TMEM63A: variants seen among roughly 807,000 people sequenced by gnomAD.
The protein encoded by TMEM63A is mechanosensitive cation channel TMEM63A.
In TMEM63A, 76 loss-of-function variants were observed where a neutral mutation model predicts 100.6. The observed-to-expected ratio is 0.76, with a 90% confidence interval of 0.63 to 0.91. The LOEUF (loss-of-function observed/expected upper bound fraction) is 0.91. TMEM63A is among the 40% of genes least tolerant of loss of function. The probability of loss-of-function intolerance (pLI) is 0.00; values close to 1 mark genes in which losing one functional copy is unlikely to be tolerated. For synonymous variants in TMEM63A, 401 were observed against 401.1 expected, an observed-to-expected ratio of 1.00 and a Z score of 0.00; for missense variants, 876 against 1,008.8, an observed-to-expected ratio of 0.87 and a Z score of 1.78.
At chr1:225,845,468 C>A (rs1576056265), downstream of TMEM63A, 2 of 1,014,298 alleles carry the variant, frequency 2.0e-6, no homozygotes, top group East Asian at 5.2e-5. Flanking sequence ...GCTGGGAGCC[C>A]ACGCTCACCC....
At chr1:225,851,582 T>C (rs1669344099) in intron 20 of TMEM63A, among the ~76,000 whole-genome samples, 1 of 152,074 alleles carries the variant, frequency 6.6e-6, no homozygotes, top group Admixed American at 6.5e-5. Context: ...ATTGGCCAGG[T>C]TGTTCTTGAA....
In TMEM63A at chr1:225,848,618, C is replaced by T. The variant is rs561956976; in HGVS notation, c.2188-64G>A. On this transcript the variant is annotated intron_variant, in intron 22 of 24. Transcript: ENST00000366835. ...CTGATCTCTGTGAACAAACACCCTCCAAACACACAGACTATTAACACCCGG... is the reference window on the plus strand; with the variant it reads ...CTGATCTCTGTGAACAAACACCCTCTAAACACACAGACTATTAACACCCGG... 7.8e-6 allele frequency: 12 copies of T among 1,535,154 alleles called. No homozygotes were observed. In the South Asian group the frequency reaches 1.2e-4, roughly 16 times the overall value.
chr1:225,870,660 T>C lies in TMEM63A; in HGVS notation c.371+416A>G, dbSNP rs372897748. 7.8e-4 allele frequency among the ~76,000 whole-genome samples: 119 copies of C among 152,346 alleles called. No individual in the cohort carries two copies. In the South Asian group the frequency reaches 0.024, roughly 30 times the overall value. On this transcript the variant is annotated intron_variant, in intron 6 of 24. Coordinates refer to ENST00000366835, the MANE Select transcript of TMEM63A (RefSeq NM_014698.3). ...AGCGTCCATTGACATCTAATTGGTG[T>C]TAAATATTAAGTTGAATAATTAAAG...
At chr1:225,866,419 G>A in intron 9 of TMEM63A, 155 bp downstream of exon 9, 1 of 631,242 alleles carries the variant, frequency 1.6e-6, no homozygotes, top group South Asian at 2.0e-5. Context: ...TTTAAAGATG[G>A]TGCCAAGTGT....
At chr1:225,857,455 G>T (rs1397285603) in intron 15 of TMEM63A, among the ~76,000 whole-genome samples, 1 of 150,288 alleles carries the variant, frequency 6.7e-6, no homozygotes, top group East Asian at 1.9e-4. Flanking sequence ...TCCACTGTGT[G>T]TGTCCACAAT....
chr1:225,875,119 G>C (rs1670711702), intron 3 of TMEM63A, among the ~76,000 whole-genome samples: 1 of 152,212 alleles, frequency 6.6e-6, no homozygotes, highest in South Asian at 2.1e-4. Flanking sequence ...CTCTGAGTTT[G>C]ATTCCCCTGA....
At position 225,865,505 on chromosome 1, in the gene TMEM63A, G is replaced by A. The variant is rs1201910485; in HGVS notation, c.746+392C>T. 1 of 170,128 alleles carries A rather than the reference G, an allele frequency of 5.9e-6. No homozygotes were observed. The highest frequency in any genetic ancestry group is 2.4e-5 in the African/African-American group (1 of 42,398). 10.5% of individuals were successfully genotyped at this position (170,128 alleles called of 1,614,324 possible). A position where few individuals can be genotyped will look rare whatever the true frequency, so the allele number is the denominator to read the frequency against. ...GGCCCCGAGGTCCTTCCACCTGTGA[G>A]ACCCTAGCCCTGTGGGTCCATACAA... On this transcript the variant is annotated intron_variant, in intron 10 of 24. Coordinates refer to ENST00000366835, the MANE Select transcript of TMEM63A (RefSeq NM_014698.3). The surrounding 1 kb of genome is among the most constrained non-coding windows in gnomAD (Gnocchi z 4.6).
chr1:225,857,150 A>C, intron 15 of TMEM63A, 133 bp from the exon 16 acceptor site: 1 of 674,200 alleles, frequency 1.5e-6, no homozygotes, highest in Non-Finnish European at 2.4e-6. Context: ...CCAGAACCAA[A>C]ACTGTGCCAG....
chr1:225,881,926 T>A (rs1671109668), intron 1 of TMEM63A, among the ~76,000 whole-genome samples: 1 of 152,110 alleles, frequency 6.6e-6, no homozygotes, highest in African/African-American at 2.4e-5. Flanking sequence ...GTCGGACGCT[T>A]GGCCCTTTCC....
chr1:225,854,498 G>C lies in TMEM63A; in HGVS notation c.1635-707C>G, dbSNP rs59634728. On this transcript the variant is annotated intron_variant, in intron 18 of 24. Coordinates refer to ENST00000366835, the MANE Select transcript of TMEM63A (RefSeq NM_014698.3). The stretch of plus-strand genomic sequence containing the variant: ...GGTAGGCTGGGTATGGCATGGGAGG[G>C]ATAGAAAGGAAACAAGGTGAACTTT... Among the ~76,000 whole-genome samples the C allele has an allele frequency of 5.2e-3, 785 of 152,316 alleles. 10 individuals carry two copies. Among genetic ancestry groups the C allele is most frequent in the African/African-American group, 0.018 (740 of 41,566 alleles).
Position 225,862,765 on chromosome 1 carries a change from A to G in TMEM63A, c.827+6T>C, listed in dbSNP as rs1188868669. On this transcript the variant is annotated splice_donor_region_variant and intron_variant, in intron 11 of 24. Coordinates refer to ENST00000366835, the MANE Select transcript of TMEM63A (RefSeq NM_014698.3). This position sits in a 1 kb window ranked among gnomAD's most constrained non-coding sequence, Gnocchi z 5.1. ...GGGCATCTTGCAAGGCCCGCCCACC[A>G]CTCACTTCTCCTTGCACAGGTAGAT... The G allele has an allele frequency of 6.2e-7, 1 of 1,613,706 alleles. No homozygotes were observed. The highest frequency in any genetic ancestry group is 1.1e-5 in the South Asian group (1 of 91,064).
intron 17 of TMEM63A, 34 bp from the exon 18 acceptor site, chr1:225,855,974 TC>T: frequency 6.2e-7 from 1 of 1,605,044 alleles, no homozygotes; most frequent in South Asian, 1.1e-5. Context: ...AGAGTTTATT[TC>T]CAGCATTCCA....
Position 225,862,278 on chromosome 1 carries a change from A to T in TMEM63A, c.1025T>A (p.Val342Asp). ...LERITEEERH[V>D]QDQPLGMAFV... ...GGCCATTCCCAGGGGCTGGTCCTGG[A>T]CGTGGCGTTCTTCCTCTGTGATCCT... Residue 342 changes from valine (V) to aspartate (D), a missense_variant, in exon 13 of 25, where the codon GTC (valine) becomes GAC (aspartate). Coordinates refer to ENST00000366835, the MANE Select transcript of TMEM63A (RefSeq NM_014698.3). This position sits in a 1 kb window ranked among gnomAD's most constrained non-coding sequence, Gnocchi z 5.1. The T allele has an allele frequency of 6.2e-7, 1 of 1,614,124 alleles. No individual in the cohort carries two copies. Among genetic ancestry groups the T allele is most frequent in the Non-Finnish European group, 8.5e-7 (1 of 1,180,012 alleles).
Position 225,862,537 on chromosome 1 carries a change from T to G in TMEM63A, c.869A>C (p.Gln290Pro). The G allele has an allele frequency of 6.2e-7, 1 of 1,614,062 alleles. No homozygotes were observed. Among genetic ancestry groups the G allele is most frequent in the Non-Finnish European group, 8.5e-7 (1 of 1,179,972 alleles). The change falls in exon 12 of 25, where the codon CAG becomes CCG. Residue 290 changes from glutamine (Q) to proline (P), a missense_variant. By Grantham distance (76) the Gln-to-Pro change is moderately conservative (BLOSUM62 -1). Transcript: ENST00000366835. The surrounding 1 kb of genome is among the most constrained non-coding windows in gnomAD (Gnocchi z 5.1). ...EKSLTYYTNL[Q>P]VKTGQRTLIN... ...GAGGGTCCGCTGGCCTGTCTTCACC[T>G]GCAGGTTTGTGTAATAGGTCAGGCT...
Position 225,862,379 on chromosome 1 carries a change from G to A in TMEM63A, c.952-28C>T, listed in dbSNP as rs1669984416. The A allele has an allele frequency of 6.2e-7, 1 of 1,614,114 alleles. No individual in the cohort carries two copies. The highest frequency in any genetic ancestry group is 8.5e-7 in the Non-Finnish European group (1 of 1,179,968). Reference sequence around the variant, plus strand: ...GCCACAAGACACATCCCATTGGGATGACGTGGCCCCATGCTGGTATCTGGG... The same window carrying A: ...GCCACAAGACACATCCCATTGGGATAACGTGGCCCCATGCTGGTATCTGGG... On this transcript the variant is annotated intron_variant, in intron 12 of 24. Transcript: ENST00000366835. This position sits in a 1 kb window ranked among gnomAD's most constrained non-coding sequence, Gnocchi z 5.1.
rs1669659923 is a variant in TMEM63A, at chr1:225,857,061, G to A, written c.1378-44C>T. 4 of 1,504,076 alleles carry A rather than the reference G, an allele frequency of 2.7e-6. No homozygotes were observed. The East Asian group carries it at 7.2e-5, about 27-fold the overall frequency. The allele number at this position is 1,504,076 out of a possible 1,614,324, so 93.2% of individuals were successfully genotyped here. Reference sequence around the variant, plus strand: ...GCAGAGAGAGTCACAGGGGCCGTGGGCCACGCGGCTCTGAGGCCATGACCT... The same window carrying A: ...GCAGAGAGAGTCACAGGGGCCGTGGACCACGCGGCTCTGAGGCCATGACCT... On this transcript the variant is annotated intron_variant, in intron 15 of 24. Coordinates refer to ENST00000366835, the MANE Select transcript of TMEM63A (RefSeq NM_014698.3).
chr1:225,866,856 C>G (rs1410042620), intron 8 of TMEM63A, 174 bp from the exon 9 acceptor site: 4 of 684,080 alleles, frequency 5.8e-6, no homozygotes, highest in Non-Finnish European at 1.0e-5. Context: ...ACAGTGAATA[C>G]TTCAGAGGGG....
intron 18 of TMEM63A, among the ~76,000 whole-genome samples, chr1:225,855,654 T>C (rs1669576613): frequency 6.6e-6 from 1 of 152,050 alleles, no homozygotes; most frequent in East Asian, 1.9e-4. Flanking sequence ...CCTAAAAAAT[T>C]AACCACATTT....
At chr1:225,874,064 G>A (rs1413945495) in intron 4 of TMEM63A, among the ~76,000 whole-genome samples, 1 of 152,150 alleles carries the variant, frequency 6.6e-6, no homozygotes, top group Non-Finnish European at 1.5e-5. Flanking sequence ...AACAGCTATT[G>A]GTACAGGCCA....
Sources: allele counts gnomAD v4.1 joint callset (sites outside exome capture counted in the v4.1 genomes callset), GRCh38; gene constraint gnomAD v4.1.1; non-coding constraint Gnocchi (gnomAD v3.1); transcripts MANE v1.5; gene names NCBI Gene and HGNC (gene_info 2026-07-23, HGNC 2026-07-21).